The following AGBL4 variants were observed in gnomAD, a reference collection of about 807,000 sequenced individuals.
AGBL4 encodes cytosolic carboxypeptidase 6.
In AGBL4, 58 loss-of-function variants were observed where a neutral mutation model predicts 66.4. The observed-to-expected ratio is 0.87, with a 90% confidence interval of 0.71 to 1.09. AGBL4 has a LOEUF of 1.09. Among genes scored for constraint, AGBL4 ranks in the 50% least tolerant of loss-of-function variants. The pLI, the probability that AGBL4 is intolerant of heterozygous loss-of-function variation, is 0.00. For missense variants in AGBL4, 579 were observed against 631.0 expected, an observed-to-expected ratio of 0.92 and a Z score of 0.88; for synonymous variants, 234 against 222.9, an observed-to-expected ratio of 1.05 and a Z score of -0.44.
chr1:49,293,356 A>G (rs1186330053), intron 3 of AGBL4, among the ~76,000 whole-genome samples: 3 of 152,232 alleles, frequency 2.0e-5, no homozygotes. Flanking sequence ...CAGACTGAGT[A>G]GGCAGAATGA....
At chr1:49,744,871 C>A (rs2147819210) in intron 2 of AGBL4, among the ~76,000 whole-genome samples, 1 of 151,936 alleles carries the variant, frequency 6.6e-6, no homozygotes, top group East Asian at 1.9e-4. Context: ...TGTATTTTAT[C>A]TGTTAAGGTT....
intron 4 of AGBL4, among the ~76,000 whole-genome samples, chr1:49,211,690 G>T (rs1037470270): frequency 7.9e-5 from 12 of 152,168 alleles, no homozygotes; most frequent in African/African-American, 2.9e-4. Flanking sequence ...TAGTAGGGCA[G>T]ACAGACAAGT....
chr1:49,787,724 A>T (rs530020204), intron 2 of AGBL4, among the ~76,000 whole-genome samples: 4 of 152,144 alleles, frequency 2.6e-5, no homozygotes, highest in Non-Finnish European at 5.9e-5. Flanking sequence ...CACGGGGTGA[A>T]GTCTGGAGAA....
At chr1:49,118,883 T>C (rs529407969) in intron 4 of AGBL4, among the ~76,000 whole-genome samples, 1 of 152,320 alleles carries the variant, frequency 6.6e-6, no homozygotes, top group East Asian at 1.9e-4. Flanking sequence ...GAACCTGTTA[T>C]TGGTCTATTC....
intron 3 of AGBL4, among the ~76,000 whole-genome samples, chr1:49,584,096 G>A (rs892324350): frequency 5.3e-5 from 8 of 152,054 alleles, no homozygotes; most frequent in African/African-American, 1.7e-4. Context: ...GAGTCTTTAG[G>A]TAGGAGACCC....
chr1:49,561,705 C>A (rs1644049721), intron 3 of AGBL4, among the ~76,000 whole-genome samples: 1 of 152,212 alleles, frequency 6.6e-6, no homozygotes, highest in African/African-American at 2.4e-5. Context: ...TCCAGTCTAT[C>A]ATTGTTGGAT....
chr1:49,730,367 A>G (rs1041181537), intron 2 of AGBL4, among the ~76,000 whole-genome samples: 5 of 152,144 alleles, frequency 3.3e-5, no homozygotes, highest in African/African-American at 1.2e-4. Context: ...GAGCTGTTAC[A>G]TGCTCCCATT....
intron 2 of AGBL4, among the ~76,000 whole-genome samples, chr1:49,815,140 C>A (rs566943784): frequency 8.4e-4 from 128 of 152,196 alleles, no homozygotes; most frequent in African/African-American, 2.9e-3. Flanking sequence ...ATTTTTCATA[C>A]CCTTAACCAG....
At chr1:48,941,241 A>T (rs1655947572) in intron 5 of AGBL4, among the ~76,000 whole-genome samples, 1 of 152,182 alleles carries the variant, frequency 6.6e-6, no homozygotes, top group South Asian at 2.1e-4. Context: ...AAAGAGATGG[A>T]TCACTAAATT....
Position 49,227,245 on chromosome 1 carries a change from T to C in AGBL4, c.377+18525A>G, listed in dbSNP as rs180831479. Among the ~76,000 whole-genome samples the C allele has an allele frequency of 1.9e-3, 286 of 152,350 alleles. 2 individuals carry two copies. The highest frequency in any genetic ancestry group is 6.5e-3 in the African/African-American group (271 of 41,572). ...TTATAATAAGAACAAAATCTCTTTT[T>C]TTCCTCGTCATTTCATCCTCTGCAC... On this transcript the variant is annotated intron_variant, in intron 4 of 13. Transcript: ENST00000371839.
At chr1:48,803,934 ATGTCATTT>A (rs1645864199) in intron 6 of AGBL4, among the ~76,000 whole-genome samples, 1 of 152,170 alleles carries the variant, frequency 6.6e-6, no homozygotes, top group Non-Finnish European at 1.5e-5. Context: ...TTTTCTTAGT[ATGTCATTT>A]TGTCATTTTG....
At chr1:48,816,519 A>G (rs1570740521) in intron 6 of AGBL4, among the ~76,000 whole-genome samples, 1 of 152,366 alleles carries the variant, frequency 6.6e-6, no homozygotes, top group East Asian at 1.9e-4. Context: ...TTTTAACCAG[A>G]TAACTACAAA....
chr1:49,548,536 T>A (rs866183103), intron 3 of AGBL4, among the ~76,000 whole-genome samples: 3 of 152,236 alleles, frequency 2.0e-5, no homozygotes, highest in African/African-American at 7.2e-5. Flanking sequence ...GAGATGAACA[T>A]GTGATTTTTG....
intron 2 of AGBL4, among the ~76,000 whole-genome samples, chr1:49,742,848 T>C (rs1156315666): frequency 6.6e-6 from 1 of 152,162 alleles, no homozygotes; most frequent in African/African-American, 2.4e-5. Flanking sequence ...TGGCTAGCCA[T>C]ATTTAGAAAG....
chr1:48,599,042 T>C (rs1354258989), intron 9 of AGBL4, among the ~76,000 whole-genome samples: 2 of 151,936 alleles, frequency 1.3e-5, no homozygotes, highest in South Asian at 2.1e-4. Flanking sequence ...AACACAAACA[T>C]GAGCCGAGAG....
chr1:49,325,868 C>T (rs147880384), intron 3 of AGBL4, among the ~76,000 whole-genome samples: 81 of 152,238 alleles, frequency 5.3e-4, no homozygotes, highest in African/African-American at 1.7e-3. Context: ...GCATGTAGGA[C>T]GTCCCTTCTC....
chr1:49,921,353 G>A (rs1652223367), intron 1 of AGBL4, among the ~76,000 whole-genome samples: 1 of 152,026 alleles, frequency 6.6e-6, no homozygotes. Flanking sequence ...TAAGAGCAAT[G>A]CAATTCAATA....
At chr1:49,445,835 T>C (rs925805950) in intron 3 of AGBL4, among the ~76,000 whole-genome samples, 11 of 152,102 alleles carry the variant, frequency 7.2e-5, no homozygotes, top group Middle Eastern at 3.2e-3. Flanking sequence ...TTAAAATCCA[T>C]ATTTATTTTA....
intron 3 of AGBL4, among the ~76,000 whole-genome samples, chr1:49,376,662 C>T (rs1020082063): frequency 1.3e-5 from 2 of 151,958 alleles, no homozygotes; most frequent in Non-Finnish European, 2.9e-5. Flanking sequence ...TGATATATGT[C>T]TTCTGTTGAC....
Sources: allele counts gnomAD v4.1 joint callset (sites outside exome capture counted in the v4.1 genomes callset), GRCh38; gene constraint gnomAD v4.1.1; transcripts MANE v1.5; gene names NCBI Gene and HGNC (gene_info 2026-07-23, HGNC 2026-07-21).